The following DLG2 variants were observed in gnomAD, a reference collection of about 807,000 sequenced individuals.
DLG2 encodes the protein discs large MAGUK scaffold protein 2.
DLG2 carries 45 observed loss-of-function variants against 132.5 expected under a neutral mutation model. That is an observed-to-expected ratio of 0.34 (90% confidence interval 0.27 to 0.44). The LOEUF is 0.44. Among genes scored for constraint, DLG2 ranks in the 20% least tolerant of loss-of-function variants. The pLI is 1.00. For synonymous variants in DLG2, 424 were observed against 419.6 expected (o/e 1.01, Z -0.13); for missense variants, 1,045 against 1,196.9 (o/e 0.87, Z 1.87).
At chr11:83,477,275 A>C (rs2092695890) in intron 22 of DLG2, among the ~76,000 whole-genome samples, 1 of 152,146 alleles carries the variant, frequency 6.6e-6, no homozygotes, top group Non-Finnish European at 1.5e-5. Context: ...CCAAAAATAC[A>C]AGGCTGAATT....
At chr11:85,229,159 A>G (rs1202545012) in intron 4 of DLG2, among the ~76,000 whole-genome samples, 1 of 150,052 alleles carries the variant, frequency 6.7e-6, no homozygotes, top group Non-Finnish European at 1.5e-5. Context: ...CATATGTTGT[A>G]TACATATCCT....
At chr11:84,409,125 T>TC (rs1433330055) in intron 7 of DLG2, among the ~76,000 whole-genome samples, 1 of 152,130 alleles carries the variant, frequency 6.6e-6, no homozygotes, top group African/African-American at 2.4e-5. Context: ...TCCTTGCACT[T>TC]CCCCCCAAGA....
chr11:85,171,340 T>C (rs1346356304), intron 4 of DLG2, among the ~76,000 whole-genome samples: 3 of 151,490 alleles, frequency 2.0e-5, no homozygotes, highest in Non-Finnish European at 1.5e-5. Context: ...CCAAGGGAGG[T>C]GGTGAGTGAT....
At position 83,980,798 on chromosome 11, in the gene DLG2, A is replaced by T. The variant is rs992867484; in HGVS notation, c.920-156T>A. Among the ~76,000 whole-genome samples the T allele has an allele frequency of 7.2e-5, 11 of 152,324 alleles. 1 individual carries two copies. Among genetic ancestry groups the T allele is most frequent in the Admixed American group, 4.6e-4 (7 of 15,294 alleles). ...CTAAAAACTGTATTTCAATCTCGTT[A>T]TTTAAATATTTGAAGAATTGTTAAT... On this transcript the variant is annotated intron_variant, in intron 11 of 27. Coordinates refer to ENST00000376104, the MANE Select transcript of DLG2 (RefSeq NM_001142699.3).
chr11:84,757,203 G>C (rs1367094480), intron 6 of DLG2, among the ~76,000 whole-genome samples: 1 of 151,820 alleles, frequency 6.6e-6, no homozygotes, highest in Non-Finnish European at 1.5e-5. Context: ...CTGCAAAACT[G>C]TTTGTTTCCC....
Position 84,084,624 on chromosome 11 carries a change from G to A in DLG2, c.749+14299C>T, listed in dbSNP as rs115922389. Among the ~76,000 whole-genome samples the A allele has an allele frequency of 7.8e-3, 1,181 of 152,266 alleles. 8 individuals carry two copies. Among genetic ancestry groups the A allele is most frequent in the African/African-American group, 0.027 (1,125 of 41,542 alleles). On this transcript the variant is annotated intron_variant, in intron 10 of 27. Transcript: ENST00000376104. ...CCAAACTTTAGTCAGGCTCCTCTAA[G>A]CTCTCTTCTCAACTGGGCTTTGACC... is the stretch of plus-strand genomic sequence containing the variant.
chr11:83,702,312 C>A (rs984481117), intron 18 of DLG2, among the ~76,000 whole-genome samples: 13 of 152,172 alleles, frequency 8.5e-5, no homozygotes, highest in Admixed American at 8.5e-4. Flanking sequence ...TCTTCTTCTA[C>A]TTAACAATGG....
chr11:84,905,985 A>G (rs2091458547), intron 6 of DLG2, among the ~76,000 whole-genome samples: 1 of 152,160 alleles, frequency 6.6e-6, no homozygotes, highest in Admixed American at 6.6e-5. Context: ...AATGCCTTGT[A>G]TAAACCTCAT....
intron 21 of DLG2, among the ~76,000 whole-genome samples, chr11:83,520,727 A>ATAGT (rs2095457115): frequency 1.5e-5 from 2 of 133,352 alleles, no homozygotes; most frequent in African/African-American, 5.7e-5. Context: ...AGATAGATAG[A>ATAGT]TAGATAGATA....
At chr11:84,462,982 A>T (rs554884943) in intron 7 of DLG2, among the ~76,000 whole-genome samples, 2 of 151,340 alleles carry the variant, frequency 1.3e-5, no homozygotes, top group East Asian at 3.9e-4. Flanking sequence ...CATAAATGGG[A>T]GTAGGTATTT....
At chr11:83,542,515 A>G (rs1319252382) in intron 19 of DLG2, among the ~76,000 whole-genome samples, 1 of 152,194 alleles carries the variant, frequency 6.6e-6, no homozygotes, top group Non-Finnish European at 1.5e-5. Context: ...TATAAACAAC[A>G]CGACAAATAT....
At chr11:85,008,108 G>T (rs1397201937) in intron 6 of DLG2, among the ~76,000 whole-genome samples, 1 of 152,052 alleles carries the variant, frequency 6.6e-6, no homozygotes, top group Non-Finnish European at 1.5e-5. Context: ...TATATAAATA[G>T]CATTACATTA....
intron 21 of DLG2, among the ~76,000 whole-genome samples, chr11:83,519,828 C>T (rs1222788610): frequency 1.3e-5 from 2 of 152,150 alleles, no homozygotes; most frequent in Non-Finnish European, 2.9e-5. Flanking sequence ...TCATTCCATC[C>T]ATTGGCAATC....
intron 19 of DLG2, among the ~76,000 whole-genome samples, chr11:83,583,470 C>A (rs2097020115): frequency 1.3e-5 from 2 of 152,222 alleles, no homozygotes; most frequent in African/African-American, 4.8e-5. Flanking sequence ...TCTAGACCCA[C>A]CTCTTCCTTT....
intron 6 of DLG2, among the ~76,000 whole-genome samples, chr11:84,868,996 A>C (rs76074207): frequency 0.035 from 5,334 of 152,310 alleles, 132 homozygotes; most frequent in Non-Finnish European, 0.055. Context: ...TACCCCCTAA[A>C]GGATGTGATA....
At chr11:83,924,434 A>G (rs2078552481) in intron 15 of DLG2, among the ~76,000 whole-genome samples, 1 of 152,130 alleles carries the variant, frequency 6.6e-6, no homozygotes, top group South Asian at 2.1e-4. Context: ...ACTGAATTAA[A>G]GGGTTAAAAT....
chr11:83,729,672 C>A (rs566869964), intron 18 of DLG2, among the ~76,000 whole-genome samples: 1 of 152,270 alleles, frequency 6.6e-6, no homozygotes, highest in South Asian at 2.1e-4. Context: ...AGATAAAATT[C>A]TGCAGCAGTC....
At chr11:85,240,389 T>G (rs1322679708) in intron 4 of DLG2, among the ~76,000 whole-genome samples, 1 of 151,898 alleles carries the variant, frequency 6.6e-6, no homozygotes, top group African/African-American at 2.4e-5. Flanking sequence ...GTTTTTCACT[T>G]TCTTAAAATA....
At chr11:85,183,232 G>C (rs756626595) in intron 4 of DLG2, among the ~76,000 whole-genome samples, 1 of 151,766 alleles carries the variant, frequency 6.6e-6, no homozygotes, top group African/African-American at 2.4e-5. Context: ...TTTTTCTGCT[G>C]GAACAGTAGT....
Sources: gnomAD v4.1 joint callset for allele counts (sites outside exome capture counted in the v4.1 genomes callset) on GRCh38, gnomAD v4.1.1 for gene constraint, MANE v1.5 for transcripts, NCBI Gene and HGNC (gene_info 2026-07-23, HGNC 2026-07-21) for gene names.